The following CNOT6L variants were observed in gnomAD, a reference collection of about 807,000 sequenced individuals.
CNOT6L encodes the protein CCR4-NOT transcription complex subunit 6-like.
Under a neutral mutation model 64.0 loss-of-function variants are expected in CNOT6L, and 7 were observed. The observed-to-expected ratio is 0.11, with a 90% confidence interval of 0.06 to 0.21. The LOEUF (loss-of-function observed/expected upper bound fraction) is 0.21. Ranked by LOEUF, CNOT6L falls within the 10% of genes least tolerant of loss-of-function variation. The pLI is 1.00. For missense variants in CNOT6L, 245 were observed against 669.0 expected (o/e 0.37, Z 6.99); for synonymous variants, 193 against 243.4 (o/e 0.79, Z 1.93).
chr4:77,768,473 AAAT>A (rs1560412308), intron 4 of CNOT6L, among the ~76,000 whole-genome samples: 6 of 4,210 alleles, frequency 1.4e-3, no homozygotes, highest in African/African-American at 2.6e-3. Context: ...TAAAATAAAT[AAAT>A]ATATATATAT....
Position 77,726,280 on chromosome 4 carries a change from T to A in CNOT6L, c.1342A>T (p.Ser448Cys), listed in dbSNP as rs1393667106. 2 of 1,613,868 alleles carry A rather than the reference T, an allele frequency of 1.2e-6. No individual in the cohort carries two copies. The highest frequency in any genetic ancestry group is 1.7e-6 in the Non-Finnish European group (2 of 1,179,766). The change falls in exon 11 of 12, where the codon AGC becomes TGC. Residue 448 changes from serine to cysteine, a missense_variant. By Grantham distance (112) the Ser-to-Cys change is moderately radical (BLOSUM62 -1). This residue lies in a region of CNOT6L where 20 missense variants were observed against 38.3 expected (regional missense o/e 0.52). Coordinates refer to ENST00000504123, the MANE Select transcript of CNOT6L (RefSeq NM_144571.3). ...LRYNECLMNFSCNGKNGSSEG... is the reference protein window; with the variant it reads ...LRYNECLMNFCCNGKNGSSEG... ...GAGCTTCCATTCTTTCCATTGCAGCTGAAGTTCATAAGACACTCATTGTAC... is the reference window on the plus strand; with the variant it reads ...GAGCTTCCATTCTTTCCATTGCAGCAGAAGTTCATAAGACACTCATTGTAC...
chr4:77,781,535 A>T (rs1256031561), intron 1 of CNOT6L, among the ~76,000 whole-genome samples: 2 of 152,220 alleles, frequency 1.3e-5, no homozygotes, highest in African/African-American at 2.4e-5. Flanking sequence ...GGTATATTTT[A>T]AAACTACATA....
chr4:77,776,125 T>C (rs1728113826), intron 2 of CNOT6L, 146 bp downstream of exon 2: 1 of 757,156 alleles, frequency 1.3e-6, no homozygotes. Context: ...CAGTCACACA[T>C]AAAACAGAAA....
intron 1 of CNOT6L, among the ~76,000 whole-genome samples, chr4:77,797,149 A>T (rs1278475856): frequency 1.4e-5 from 2 of 143,364 alleles, no homozygotes; most frequent in Non-Finnish European, 3.0e-5. Context: ...TTCACTGGGG[A>T]GGATAATCTC....
intron 1 of CNOT6L, among the ~76,000 whole-genome samples, chr4:77,785,638 A>T (rs1172567727): frequency 6.6e-6 from 1 of 152,242 alleles, no homozygotes; most frequent in Admixed American, 6.5e-5. Flanking sequence ...CGGATAGCAA[A>T]TAAGCACATG....
intron 2 of CNOT6L, 117 bp downstream of exon 2, chr4:77,776,154 C>A: frequency 1.0e-6 from 1 of 974,786 alleles, no homozygotes; most frequent in Admixed American, 2.3e-5. Flanking sequence ...ATCTTACCAT[C>A]TTGTAGTTTT....
chr4:77,805,240 A>T (rs1467863023), intron 1 of CNOT6L, among the ~76,000 whole-genome samples: 1 of 151,656 alleles, frequency 6.6e-6, no homozygotes, highest in East Asian at 1.9e-4. Flanking sequence ...TACCATTTGA[A>T]TTTTTTTTTA....
chr4:77,819,973 C>A (rs1178468822), upstream of CNOT6L, among the ~76,000 whole-genome samples: 1 of 151,962 alleles, frequency 6.6e-6, no homozygotes, highest in East Asian at 1.9e-4. Flanking sequence ...GCTGCGCCCC[C>A]GCAGGGCCGG....
At chr4:77,774,506 G>A (rs946756718) in intron 3 of CNOT6L, 24 bp downstream of exon 3, 2 of 1,557,072 alleles carry the variant, frequency 1.3e-6, no homozygotes, top group African/African-American at 2.8e-5. Context: ...TATATAGTGA[G>A]TCATGTCTGT....
At chr4:77,780,705 G>A (rs987551120) in intron 1 of CNOT6L, among the ~76,000 whole-genome samples, 5 of 152,128 alleles carry the variant, frequency 3.3e-5, no homozygotes, top group Non-Finnish European at 5.9e-5. Context: ...ACCAAAGGCT[G>A]ATTAAACACT....
At chr4:77,817,392 T>C (rs1247752842) in intron 1 of CNOT6L, among the ~76,000 whole-genome samples, 5 of 152,250 alleles carry the variant, frequency 3.3e-5, no homozygotes, top group African/African-American at 9.6e-5. Flanking sequence ...TTACTTAATA[T>C]TGCTCTAAAT....
chr4:77,761,559 G>GT (rs1488421439), intron 4 of CNOT6L, among the ~76,000 whole-genome samples: 1 of 152,138 alleles, frequency 6.6e-6, no homozygotes, highest in Non-Finnish European at 1.5e-5. Flanking sequence ...CTTCCAGAGA[G>GT]TATTTGTCCA....
In CNOT6L at chr4:77,715,162, C is replaced by T. The variant is rs1277342632; in HGVS notation, c.*5269G>A. 1 of 152,006 alleles carries T rather than the reference C, an allele frequency of 6.6e-6. No homozygotes were observed. Among genetic ancestry groups the T allele is most frequent in the Non-Finnish European group, 1.5e-5 (1 of 67,968 alleles). The allele number at this position is 152,006 out of a possible 1,614,324, so 9.4% of individuals were successfully genotyped here. On this transcript the variant is annotated 3_prime_UTR_variant, in exon 12 of 12. Transcript: ENST00000504123. Reference sequence around the variant, plus strand: ...TCTAAATTTTGAGAGATTGTTCTAACAAAAATAACTAGTACTAGGCACCAA... The same window carrying T: ...TCTAAATTTTGAGAGATTGTTCTAATAAAAATAACTAGTACTAGGCACCAA...
chr4:77,746,671 CA>C (rs1560585314), intron 6 of CNOT6L, among the ~76,000 whole-genome samples: 1 of 152,108 alleles, frequency 6.6e-6, no homozygotes, highest in Non-Finnish European at 1.5e-5. Flanking sequence ...AGATTATGTT[CA>C]CTCATATTCA....
intron 8 of CNOT6L, among the ~76,000 whole-genome samples, chr4:77,736,674 C>T (rs533749059): frequency 7.7e-4 from 117 of 152,226 alleles, no homozygotes; most frequent in African/African-American, 2.0e-3. Context: ...CCAAGCCATA[C>T]AGCCTTGGTA....
At chr4:77,737,589 T>G (rs1195103368) in intron 8 of CNOT6L, among the ~76,000 whole-genome samples, 2 of 151,754 alleles carry the variant, frequency 1.3e-5, no homozygotes, top group East Asian at 1.9e-4. Context: ...CCCAGCTAAT[T>G]TTTCTATTTT....
chr4:77,780,179 CA>C (rs1180499232), intron 1 of CNOT6L, among the ~76,000 whole-genome samples: 1 of 152,132 alleles, frequency 6.6e-6, no homozygotes, highest in Admixed American at 6.5e-5. Flanking sequence ...TGGCTTCAAA[CA>C]GTCTCATATA....
intron 1 of CNOT6L, among the ~76,000 whole-genome samples, chr4:77,781,542 C>G (rs996204346): frequency 6.6e-6 from 1 of 152,040 alleles, no homozygotes; most frequent in Non-Finnish European, 1.5e-5. Context: ...TTTAAAACTA[C>G]ATATGAAATA....
intron 1 of CNOT6L, chr4:77,819,016 G>A (rs956027054): frequency 4.6e-6 from 3 of 657,318 alleles, no homozygotes; most frequent in Non-Finnish European, 8.2e-6. Flanking sequence ...GGAGGGACAC[G>A]CCACTCTGGG....
Sources: gnomAD v4.1 joint callset for allele counts (sites outside exome capture counted in the v4.1 genomes callset) on GRCh38, gnomAD v4.1.1 for gene constraint, gnomAD v4.1.1 regional missense constraint, MANE v1.5 for transcripts, NCBI Gene and HGNC (gene_info 2026-07-23, HGNC 2026-07-21) for gene names.